Variants in CSMD1 observed in about 807,000 individuals in gnomAD.
The protein encoded by CSMD1 is CUB and Sushi multiple domains 1.
In CSMD1, 213 loss-of-function variants were observed where a neutral mutation model predicts 417.5. That is an observed-to-expected ratio of 0.51 (90% confidence interval 0.46 to 0.57). The LOEUF (loss-of-function observed/expected upper bound fraction) is 0.57. Ranked by LOEUF, CSMD1 falls within the 20% of genes least tolerant of loss-of-function variation. The probability of loss-of-function intolerance (pLI) is 0.00; values close to 1 mark genes in which losing one functional copy is unlikely to be tolerated. For synonymous variants in CSMD1, 2,862 were observed against 1,736.8 expected (o/e 1.65, Z -16.11); for missense variants, 6,923 against 4,529.7 (o/e 1.53, Z -15.17).
chr8:4,248,669 C>T (rs1389744070), intron 3 of CSMD1, among the ~76,000 whole-genome samples: 1 of 152,140 alleles, frequency 6.6e-6, no homozygotes, highest in African/African-American at 2.4e-5. Flanking sequence ...CACCATCAGC[C>T]TCCTGTCCTG....
chr8:3,187,932 A>G lies in CSMD1; in HGVS notation c.5557T>C (p.Trp1853Arg), dbSNP rs1379492559. The G allele has an allele frequency of 6.2e-7, 1 of 1,613,448 alleles. No individual in the cohort carries two copies. ...CCATCGTGGATCTCAAGGGAGTCCC[A>G]GTTCTGCTCCGTGGCAAAACTGATC... ...QVISFATEQN[W>R]DSLEIHDGGD... The change falls in exon 36 of 70, where the codon TGG becomes CGG. Residue 1853 changes from tryptophan (W) to arginine (R), a missense_variant. Trp to Arg is a moderately radical substitution (Grantham distance 101). Transcript: ENST00000635120.
At chr8:4,583,604 T>C (rs576331410) in intron 2 of CSMD1, among the ~76,000 whole-genome samples, 1 of 152,206 alleles carries the variant, frequency 6.6e-6, no homozygotes, top group East Asian at 1.9e-4. Flanking sequence ...CAATGGACAC[T>C]GTATCTAGCT....
chr8:4,094,637 A>C (rs992214120), intron 3 of CSMD1, among the ~76,000 whole-genome samples: 3 of 152,028 alleles, frequency 2.0e-5, no homozygotes, highest in African/African-American at 7.2e-5. Context: ...ACATGTGGGG[A>C]CACACATGTG....
chr8:3,759,677 T>C (rs974765384), intron 5 of CSMD1, among the ~76,000 whole-genome samples: 2 of 148,876 alleles, frequency 1.3e-5, no homozygotes, highest in African/African-American at 5.0e-5. Context: ...GCGGACCACC[T>C]GAGGTCAGGA....
At chr8:3,964,523 A>T (rs1238656540) in intron 5 of CSMD1, among the ~76,000 whole-genome samples, 3 of 152,230 alleles carry the variant, frequency 2.0e-5, no homozygotes, top group Non-Finnish European at 4.4e-5. Context: ...AAGCTCTCAT[A>T]GGAAGAAATG....
At chr8:3,876,112 A>C (rs896970680) in intron 5 of CSMD1, among the ~76,000 whole-genome samples, 2 of 152,190 alleles carry the variant, frequency 1.3e-5, no homozygotes, top group Non-Finnish European at 2.9e-5. Flanking sequence ...TTCCTTTTAA[A>C]AAATAAGTTA....
chr8:3,990,961 G>C (rs920112944), intron 5 of CSMD1, among the ~76,000 whole-genome samples: 2 of 152,154 alleles, frequency 1.3e-5, no homozygotes, highest in South Asian at 4.1e-4. Flanking sequence ...ATGCTTTTCA[G>C]AAGGACAGGA....
intron 5 of CSMD1, among the ~76,000 whole-genome samples, chr8:3,906,771 G>A (rs1034774992): frequency 6.6e-6 from 1 of 152,044 alleles, no homozygotes; most frequent in Admixed American, 6.6e-5. Context: ...GAGGAAAAAT[G>A]ACTTTTATAT....
At chr8:3,317,997 G>A (rs956743691) in intron 23 of CSMD1, among the ~76,000 whole-genome samples, 6 of 152,104 alleles carry the variant, frequency 3.9e-5, no homozygotes, top group African/African-American at 1.4e-4. Flanking sequence ...CTTTTGTAGA[G>A]ACAGGGTTTC....
intron 3 of CSMD1, among the ~76,000 whole-genome samples, chr8:4,349,214 A>C (rs1800947436): frequency 1.3e-5 from 2 of 152,212 alleles, no homozygotes; most frequent in African/African-American, 2.4e-5. Flanking sequence ...GAATGACTAT[A>C]AGAAGGGCTT....
chr8:4,394,521 CTCAT>C lies in CSMD1; in HGVS notation c.415+25428_415+25431del, dbSNP rs375921057. Among the ~76,000 whole-genome samples, 99 of 152,312 alleles carry C rather than the reference CTCAT, an allele frequency of 6.5e-4. No homozygotes were observed. The East Asian group carries it at 0.01, about 16-fold the overall frequency. ...GGGTGTGAATGAGTGAGATGAGGCG[CTCAT>C]TCAGCCTAAACTCATTGCTTTGGAG... On this transcript the variant is annotated intron_variant, in intron 3 of 69. Coordinates refer to ENST00000635120, the MANE Select transcript of CSMD1 (RefSeq NM_033225.6).
intron 7 of CSMD1, among the ~76,000 whole-genome samples, chr8:3,652,107 TCAGCACGCTTAC>T (rs1797886598): frequency 2.6e-5 from 3 of 113,396 alleles, no homozygotes; most frequent in Non-Finnish European, 5.9e-5. Flanking sequence ...CCTACCACCA[TCAGCACGCTTAC>T]CATCAGAGCG....
chr8:4,333,370 G>C (rs1238346227), intron 3 of CSMD1, among the ~76,000 whole-genome samples: 3 of 152,114 alleles, frequency 2.0e-5, no homozygotes, highest in Non-Finnish European at 2.9e-5. Context: ...ACTAGCACAG[G>C]CTCCAGGGAC....
At chr8:4,028,295 G>C (rs1011344665) in intron 4 of CSMD1, among the ~76,000 whole-genome samples, 2 of 152,060 alleles carry the variant, frequency 1.3e-5, no homozygotes, top group Non-Finnish European at 2.9e-5. Flanking sequence ...CCTACCTGAA[G>C]TCCAGATTCC....
In CSMD1 at chr8:3,699,579, A is replaced by G. The variant is rs146926646; in HGVS notation, c.1009+8835T>C. Reference sequence around the variant, plus strand: ...ATATTTTATGGGTTGATCTACTAATATTTTGAAAGATAGTGAATTTCCATT... The same window carrying G: ...ATATTTTATGGGTTGATCTACTAATGTTTTGAAAGATAGTGAATTTCCATT... On this transcript the variant is annotated intron_variant, in intron 7 of 69. Coordinates refer to ENST00000635120, the MANE Select transcript of CSMD1 (RefSeq NM_033225.6). Among the ~76,000 whole-genome samples, 482 of 152,254 alleles carry G rather than the reference A, an allele frequency of 3.2e-3. 8 individuals carry two copies. Among genetic ancestry groups the G allele is most frequent in the Admixed American group, 0.02 (313 of 15,302 alleles).
intron 26 of CSMD1, among the ~76,000 whole-genome samples, chr8:3,249,673 C>T (rs935485115): frequency 2.0e-5 from 3 of 152,040 alleles, no homozygotes; most frequent in African/African-American, 7.2e-5. Flanking sequence ...TAACTTCAAA[C>T]ATGTAATGTA....
intron 7 of CSMD1, among the ~76,000 whole-genome samples, chr8:3,706,737 A>C (rs1333426443): frequency 6.6e-6 from 1 of 152,146 alleles, no homozygotes; most frequent in Non-Finnish European, 1.5e-5. Context: ...ACTTTAGATC[A>C]TTTGTGCAGG....
chr8:4,231,340 T>C (rs1461620597), intron 3 of CSMD1, among the ~76,000 whole-genome samples: 1 of 152,154 alleles, frequency 6.6e-6, no homozygotes, highest in East Asian at 1.9e-4. Flanking sequence ...ATGACTTCAA[T>C]AAATCACCTA....
chr8:2,993,770 C>T (rs1021191764), intron 54 of CSMD1, among the ~76,000 whole-genome samples: 19 of 152,086 alleles, frequency 1.2e-4, no homozygotes, highest in African/African-American at 4.3e-4. Flanking sequence ...ATGAAGACAG[C>T]TCCCGTCTCG....
Sources: gnomAD v4.1 joint callset for allele counts (sites outside exome capture counted in the v4.1 genomes callset) on GRCh38, gnomAD v4.1.1 for gene constraint, MANE v1.5 for transcripts, NCBI Gene and HGNC (gene_info 2026-07-23, HGNC 2026-07-21) for gene names.